SLC9A7: variants seen among roughly 807,000 people sequenced by gnomAD.
SLC9A7 encodes sodium/hydrogen exchanger 7.
In SLC9A7, 19 loss-of-function variants were observed where a neutral mutation model predicts 52.6. That is an observed-to-expected ratio of 0.36 (90% confidence interval 0.25 to 0.53). The LOEUF (loss-of-function observed/expected upper bound fraction) is 0.53. SLC9A7 is among the 20% of genes least tolerant of loss of function. The pLI, the probability that SLC9A7 is intolerant of heterozygous loss-of-function variation, is 0.91. For missense variants in SLC9A7, 455 were observed against 597.9 expected (o/e 0.76, Z 2.49); for synonymous variants, 226 against 252.1 (o/e 0.90, Z 0.98).
intron 1 of SLC9A7, among the ~76,000 whole-genome samples, chrX:46,757,324 T>C (rs1399228678): frequency 1.8e-5 from 2 of 111,972 alleles, no homozygotes; most frequent in Non-Finnish European, 3.8e-5. Context: ...TAATTCGCAA[T>C]CACCAAACTC....
intron 1 of SLC9A7, among the ~76,000 whole-genome samples, chrX:46,751,021 T>C (rs1347267123): frequency 5.3e-5 from 6 of 112,615 alleles, no homozygotes; most frequent in Non-Finnish European, 1.9e-5. Flanking sequence ...TTCTTCCAAC[T>C]AGACTATGTT....
At chrX:46,609,429 G>A (rs1028007122) in intron 16 of SLC9A7, among the ~76,000 whole-genome samples, 1 of 112,579 alleles carries the variant, frequency 8.9e-6, no homozygotes, top group Non-Finnish European at 1.9e-5. Flanking sequence ...GGCTGGGTGC[G>A]GTGGCTCACG....
intron 14 of SLC9A7, among the ~76,000 whole-genome samples, chrX:46,626,206 C>T (rs1943125687): frequency 8.9e-6 from 1 of 112,442 alleles, no homozygotes; most frequent in African/African-American, 3.2e-5. Flanking sequence ...TAATTTGTTA[C>T]AGCAGTCACA....
Position 46,640,799 on chromosome X carries a change from T to C in SLC9A7, c.1616+2437A>G, listed in dbSNP as rs140848309. Among the ~76,000 whole-genome samples, 880 of 112,499 alleles carry C rather than the reference T, an allele frequency of 7.8e-3. 6 individuals carry two copies. Among genetic ancestry groups the C allele is most frequent in the African/African-American group, 0.027 (838 of 30,981 alleles). On this transcript the variant is annotated intron_variant, in intron 12 of 16. Transcript: ENST00000616978. ...CATGAAGTCATGCTTAATATCATTA[T>C]CTATGAGAGAAATGCAAATTAAGAC...
chrX:46,642,127 C>A (rs1039096923), intron 12 of SLC9A7, among the ~76,000 whole-genome samples: 4 of 111,881 alleles, frequency 3.6e-5, no homozygotes, highest in Admixed American at 2.8e-4. Flanking sequence ...TATACAAAAA[C>A]CCCAGACACA....
intron 1 of SLC9A7, among the ~76,000 whole-genome samples, chrX:46,755,747 G>A (rs781911537): frequency 1.2e-3 from 134 of 107,724 alleles, no homozygotes; most frequent in African/African-American, 4.1e-3. Flanking sequence ...GCTTGAATCC[G>A]GGAGGTGGAG....
chrX:46,743,222 T>C (rs1247412469), intron 1 of SLC9A7, among the ~76,000 whole-genome samples: 1 of 112,169 alleles, frequency 8.9e-6, no homozygotes, highest in African/African-American at 3.2e-5. Context: ...TAGGAGGGCA[T>C]GCCTGCATGA....
chrX:46,670,637 T>C (rs1395269250), intron 4 of SLC9A7, among the ~76,000 whole-genome samples: 1 of 111,514 alleles, frequency 9.0e-6, no homozygotes, highest in Non-Finnish European at 1.9e-5. Context: ...CTTGATGCCA[T>C]TGCCCACCTT....
At chrX:46,756,153 T>C (rs1392228665) in intron 1 of SLC9A7, among the ~76,000 whole-genome samples, 2 of 111,440 alleles carry the variant, frequency 1.8e-5, no homozygotes, top group African/African-American at 6.5e-5. Flanking sequence ...CTTTCATTCA[T>C]AAACATTTAA....
Position 46,758,851 on chromosome X carries a change from TC to T in SLC9A7, c.178del (p.Glu60ArgfsTer13), listed in dbSNP as rs782620278. 8.3e-7 allele frequency: 1 copy of T among 1,204,043 alleles called. No homozygotes were observed. Among genetic ancestry groups the T allele is most frequent in the East Asian group, 3.0e-5 (1 of 33,125 alleles). The part of the protein sequence containing the change: ...DSSAMEELAT[E>X]KEAEESHRQD... ...CCGGTGGCTCTCCTCCGCCTCCTTC[TC>T]AGTAGCGAGCTCCTCCATGGCGCTG... is the stretch of plus-strand genomic sequence containing the variant. On this transcript the variant is annotated frameshift_variant, in exon 1 of 17. Transcript: ENST00000616978. LOFTEE classifies it high-confidence loss of function.
At position 46,751,167 on chromosome X, in the gene SLC9A7, A is replaced by G. The variant is rs782352501; in HGVS notation, c.325+7538T>C. Among the ~76,000 whole-genome samples, 4 of 111,420 alleles carry G rather than the reference A, an allele frequency of 3.6e-5. No homozygotes were observed. The South Asian group carries it at 1.5e-3, about 42-fold the overall frequency. ...TGATCTTCATTTCCTTGCTTCATTC[A>G]TCAACTGGAGGAGGAGGATTCCAAG... On this transcript the variant is annotated intron_variant, in intron 1 of 16. Coordinates refer to ENST00000616978, the MANE Select transcript of SLC9A7 (RefSeq NM_001257291.2).
chrX:46,691,111 G>C lies in SLC9A7; in HGVS notation c.326-8576C>G, dbSNP rs1280728162. Reference sequence around the variant, plus strand: ...TTAATAAATGTTCCTCAATTTAATTGACCTTTCATCAATTTACAGAGACTA... The same window carrying C: ...TTAATAAATGTTCCTCAATTTAATTCACCTTTCATCAATTTACAGAGACTA... On this transcript the variant is annotated intron_variant, in intron 1 of 16. Coordinates refer to ENST00000616978, the MANE Select transcript of SLC9A7 (RefSeq NM_001257291.2). Among the ~76,000 whole-genome samples, 5 of 111,554 alleles carry C rather than the reference G, an allele frequency of 4.5e-5. No homozygotes were observed. In the East Asian group the frequency reaches 1.1e-3, roughly 25 times the overall value.
In SLC9A7 at chrX:46,679,526, TGAATCATTGATGA is replaced by T. The variant is rs1240852637; in HGVS notation, c.603+139_603+151del. On this transcript the variant is annotated intron_variant, in intron 3 of 16. Coordinates refer to ENST00000616978, the MANE Select transcript of SLC9A7 (RefSeq NM_001257291.2). ...GGAGTTCCAGATTTTAAAACAGAAATGAATCATTGATGAGAAGTCAACTATAGTCTCTGAGTGG... is the reference window on the plus strand; with the variant it reads ...GGAGTTCCAGATTTTAAAACAGAAATGAAGTCAACTATAGTCTCTGAGTGG... The T allele has an allele frequency of 9.7e-6, 4 of 411,437 alleles. No individual in the cohort carries two copies. In the African/African-American group the frequency reaches 1.1e-4, roughly 11 times the overall value. The allele number at this position is 411,437 out of a possible 1,213,427, so 33.9% of individuals were successfully genotyped here.
chrX:46,734,349 T>A (rs1945088845), intron 1 of SLC9A7, among the ~76,000 whole-genome samples: 1 of 111,538 alleles, frequency 9.0e-6, no homozygotes, highest in Non-Finnish European at 1.9e-5. Flanking sequence ...TTATATCAGA[T>A]GAAATAAACT....
chrX:46,617,656 G>A (rs1310313065), intron 15 of SLC9A7, among the ~76,000 whole-genome samples: 11 of 112,211 alleles, frequency 9.8e-5, no homozygotes, highest in African/African-American at 3.6e-4. Flanking sequence ...ACTTACCTTT[G>A]TCTTACATTA....
At chrX:46,615,225 T>C (rs1217653361) in intron 15 of SLC9A7, among the ~76,000 whole-genome samples, 1 of 111,955 alleles carries the variant, frequency 8.9e-6, no homozygotes, top group Admixed American at 9.4e-5. Context: ...GTATTTTTAG[T>C]AGAGACAGGG....
intron 14 of SLC9A7, among the ~76,000 whole-genome samples, chrX:46,627,435 A>C (rs1232612523): frequency 1.8e-5 from 2 of 111,875 alleles, no homozygotes; most frequent in African/African-American, 6.5e-5. Flanking sequence ...CTAATGGTAA[A>C]ATGTACACAC....
rs187318504 is a variant in SLC9A7, at chrX:46,718,245, T to C, written c.326-35710A>G. Reference sequence around the variant, plus strand: ...GTGCTGGGAAAACTGGCTAGCCATATGTAGAAAGCTGAAACTGGATCCCTT... The same window carrying C: ...GTGCTGGGAAAACTGGCTAGCCATACGTAGAAAGCTGAAACTGGATCCCTT... On this transcript the variant is annotated intron_variant, in intron 1 of 16. Coordinates refer to ENST00000616978, the MANE Select transcript of SLC9A7 (RefSeq NM_001257291.2). Among the ~76,000 whole-genome samples the C allele has an allele frequency of 1.5e-3, 163 of 112,000 alleles. 1 individual carries two copies. In the South Asian group the frequency reaches 0.037, roughly 26 times the overall value.
chrX:46,616,966 T>A (rs2096345685), intron 15 of SLC9A7, among the ~76,000 whole-genome samples: 1 of 111,524 alleles, frequency 9.0e-6, no homozygotes, highest in Non-Finnish European at 1.9e-5. Flanking sequence ...TGGAAACAAC[T>A]GTCTTTCTTA....
Sources: gnomAD v4.1 joint callset for allele counts (sites outside exome capture counted in the v4.1 genomes callset) on GRCh38, gnomAD v4.1.1 for gene constraint, MANE v1.5 for transcripts, NCBI Gene and HGNC (gene_info 2026-07-23, HGNC 2026-07-21) for gene names.